SAP130: variants seen among roughly 807,000 people sequenced by gnomAD.
The protein encoded by SAP130 is histone deacetylase complex subunit SAP130.
A neutral mutation model predicts 103.2 loss-of-function variants in SAP130; 16 were observed. The ratio of observed to expected loss-of-function variants is 0.16; its 90% CI spans 0.10 to 0.24. The LOEUF is 0.24. Ranked by LOEUF, SAP130 falls within the 10% of genes least tolerant of loss-of-function variation. The pLI, the probability that SAP130 is intolerant of heterozygous loss-of-function variation, is 1.00. For synonymous variants in SAP130, 477 were observed against 497.0 expected, an observed-to-expected ratio of 0.96 and a Z score of 0.53; for missense variants, 990 against 1,359.7, an observed-to-expected ratio of 0.73 and a Z score of 4.28.
At chr2:127,997,718 G>A (rs1216392770) in intron 10 of SAP130, among the ~76,000 whole-genome samples, 1 of 152,190 alleles carries the variant, frequency 6.6e-6, no homozygotes, top group Admixed American at 6.5e-5. Flanking sequence ...GATGCTTCCA[G>A]TAGGAATGAA....
At chr2:127,946,706 A>G (rs1679099947) in intron 18 of SAP130, among the ~76,000 whole-genome samples, 1 of 151,498 alleles carries the variant, frequency 6.6e-6, no homozygotes, top group Non-Finnish European at 1.5e-5. Flanking sequence ...AACATGGTGA[A>G]ACCCTGTCTC....
At chr2:127,988,429 T>TA (rs11380500) in intron 13 of SAP130, among the ~76,000 whole-genome samples, 55,727 of 126,260 alleles carry the variant, frequency 0.44, 12,040 homozygotes, top group East Asian at 0.55. Context: ...CTTGTCTTTT[T>TA]AAAAAAAAAA....
intron 11 of SAP130, among the ~76,000 whole-genome samples, chr2:127,994,913 A>G (rs2105049083): frequency 6.6e-6 from 1 of 152,370 alleles, no homozygotes; most frequent in Non-Finnish European, 1.5e-5. Context: ...GAATCTATAA[A>G]CATTTAGAGC....
intron 15 of SAP130, among the ~76,000 whole-genome samples, chr2:127,967,116 A>G (rs1680711222): frequency 6.6e-6 from 1 of 152,208 alleles, no homozygotes; most frequent in African/African-American, 2.4e-5. Context: ...AACTTGGAGA[A>G]ATGAGCAGTT....
At position 127,950,410 on chromosome 2, in the gene SAP130, T is replaced by C. The variant is rs1189927353; in HGVS notation, c.2423-2A>G. ...TGTTGGTAGCCAGTGGAGGAACTGC[T>C]GTCATAGGAAAAGGAGCACACATAT... is the stretch of plus-strand genomic sequence containing the variant. On this transcript the variant is annotated splice_acceptor_variant, in intron 16 of 20. Coordinates refer to ENST00000643581, the MANE Select transcript of SAP130 (RefSeq NM_001330301.2). LOFTEE classifies it high-confidence loss of function. 1 of 1,614,100 alleles carries C rather than the reference T, an allele frequency of 6.2e-7. No individual in the cohort carries two copies. Among genetic ancestry groups the C allele is most frequent in the African/African-American group, 1.3e-5 (1 of 75,058 alleles).
intron 15 of SAP130, among the ~76,000 whole-genome samples, chr2:127,961,014 CAG>C (rs1680208736): frequency 7.2e-6 from 1 of 139,736 alleles, no homozygotes. Context: ...TTTTTTGAGA[CAG>C]GGTCTGGCTG....
At chr2:127,998,041 G>A (rs1446829614) in intron 10 of SAP130, among the ~76,000 whole-genome samples, 4 of 151,372 alleles carry the variant, frequency 2.6e-5, no homozygotes, top group African/African-American at 9.7e-5. Flanking sequence ...TTGAACCTGG[G>A]AGATTGCAGT....
chr2:127,994,077 T>A (rs1683006494), intron 11 of SAP130, among the ~76,000 whole-genome samples: 1 of 152,144 alleles, frequency 6.6e-6, no homozygotes, highest in Non-Finnish European at 1.5e-5. Flanking sequence ...TACATCATGA[T>A]CAAATAAAGT....
At chr2:127,980,116 T>A (rs999654488) in intron 14 of SAP130, among the ~76,000 whole-genome samples, 1 of 152,118 alleles carries the variant, frequency 6.6e-6, no homozygotes, top group African/African-American at 2.4e-5. Flanking sequence ...TGACCTCAGA[T>A]GATCTGCCCG....
intron 11 of SAP130, among the ~76,000 whole-genome samples, chr2:127,995,094 G>C (rs1223217262): frequency 1.3e-5 from 2 of 152,274 alleles, no homozygotes; most frequent in African/African-American, 4.8e-5. Context: ...ACATGGAATG[G>C]GGGAAGCGAT....
At chr2:128,022,991 G>A (rs1685256172) in intron 2 of SAP130, among the ~76,000 whole-genome samples, 1 of 151,456 alleles carries the variant, frequency 6.6e-6, no homozygotes, top group African/African-American at 2.4e-5. Flanking sequence ...CATCACACCT[G>A]GCTAATTTTT....
chr2:127,961,302 C>T (rs1378815314), intron 15 of SAP130, among the ~76,000 whole-genome samples: 1 of 108,770 alleles, frequency 9.2e-6, no homozygotes, highest in Non-Finnish European at 2.0e-5. Flanking sequence ...CCATGCCCAG[C>T]TAATTTTTTT....
At chr2:127,947,043 G>T (rs907541159) in intron 18 of SAP130, among the ~76,000 whole-genome samples, 3 of 150,900 alleles carry the variant, frequency 2.0e-5, no homozygotes, top group Admixed American at 6.7e-5. Context: ...GAGAGAGAAA[G>T]GAGGATGGGA....
intron 15 of SAP130, among the ~76,000 whole-genome samples, chr2:127,961,206 T>A (rs1202910286): frequency 6.6e-6 from 1 of 151,890 alleles, no homozygotes; most frequent in Non-Finnish European, 1.5e-5. Flanking sequence ...TCCAGGCTAG[T>A]CTCAAACTCC....
At chr2:127,999,072 A>G (rs1204328149) in intron 10 of SAP130, among the ~76,000 whole-genome samples, 1 of 152,232 alleles carries the variant, frequency 6.6e-6, no homozygotes, top group Non-Finnish European at 1.5e-5. Context: ...GGTCTCTCCA[A>G]TGGCAAGTCA....
intron 15 of SAP130, among the ~76,000 whole-genome samples, chr2:127,959,059 A>G (rs1053945956): frequency 6.6e-6 from 1 of 152,150 alleles, no homozygotes; most frequent in African/African-American, 2.4e-5. Flanking sequence ...ACTTTTTCCT[A>G]TTCCTCCCAC....
chr2:127,964,088 A>C (rs191212997), intron 15 of SAP130, among the ~76,000 whole-genome samples: 19 of 152,346 alleles, frequency 1.2e-4, no homozygotes, highest in African/African-American at 4.1e-4. Flanking sequence ...TCCCCTACTC[A>C]GGAGCCTGAG....
chr2:127,957,515 A>C (rs190119142), intron 15 of SAP130, among the ~76,000 whole-genome samples: 7 of 152,130 alleles, frequency 4.6e-5, no homozygotes, highest in Non-Finnish European at 8.8e-5. Context: ...AAACTACAAA[A>C]ACAGAAACAC....
intron 15 of SAP130, among the ~76,000 whole-genome samples, chr2:127,977,335 C>CAAAAAAAAAA (rs36038328): frequency 8.9e-6 from 1 of 111,762 alleles, no homozygotes; most frequent in Non-Finnish European, 1.7e-5. Context: ...ACTTAAAATA[C>CAAAAAAAAAA]AAAAAAAAAA....
Sources: gnomAD v4.1 joint callset for allele counts (sites outside exome capture counted in the v4.1 genomes callset) on GRCh38, gnomAD v4.1.1 for gene constraint, MANE v1.5 for transcripts, NCBI Gene and HGNC (gene_info 2026-07-23, HGNC 2026-07-21) for gene names.